KDM2A: variants seen among roughly 807,000 people sequenced by gnomAD.
The protein encoded by KDM2A is lysine-specific demethylase 2A.
Under a neutral mutation model 137.3 loss-of-function variants are expected in KDM2A, and 3 were observed. The observed-to-expected ratio is 0.02, with a 90% CI of 0.01 to 0.06. KDM2A has a LOEUF of 0.06. KDM2A is among the 10% of genes least tolerant of loss of function. The probability of loss-of-function intolerance (pLI) is 1.00; values close to 1 mark genes in which losing one functional copy is unlikely to be tolerated. For missense variants in KDM2A, 738 were observed against 1,510.6 expected (o/e 0.49, Z 8.48); for synonymous variants, 512 against 541.5 (o/e 0.95, Z 0.76).
chr11:67,199,960 C>A lies in KDM2A; in HGVS notation c.308-7550C>A, dbSNP rs539915738. Among the ~76,000 whole-genome samples the A allele has an allele frequency of 5.9e-5, 9 of 152,164 alleles. No individual in the cohort carries two copies. The South Asian group carries it at 1.4e-3, about 25-fold the overall frequency. On this transcript the variant is annotated intron_variant, in intron 5 of 20. Coordinates refer to ENST00000529006, the MANE Select transcript of KDM2A (RefSeq NM_012308.3). ...TTAATTGGAAACCAAATTTAACATTCCAAAAAAAGCTTATTTACCATTCCA... is the reference window on the plus strand; with the variant it reads ...TTAATTGGAAACCAAATTTAACATTACAAAAAAAGCTTATTTACCATTCCA...
intron 10 of KDM2A, among the ~76,000 whole-genome samples, chr11:67,226,234 G>T (rs1244712389): frequency 6.6e-6 from 1 of 151,894 alleles, no homozygotes; most frequent in African/African-American, 2.4e-5. Context: ...ACTAGCCTTG[G>T]TGACAGAGCG....
chr11:67,168,565 CAGTCTTGTATGAATTAT>C (rs1240754489), intron 2 of KDM2A, among the ~76,000 whole-genome samples: 20 of 33,732 alleles, frequency 5.9e-4, no homozygotes, highest in South Asian at 1.4e-3. Flanking sequence ...CACACACACA[CAGTCTTGTATGAATTAT>C]ACACACACAC....
chr11:67,215,739 G>C (rs1858140827), intron 7 of KDM2A, 117 bp from the exon 8 acceptor site: 1 of 783,944 alleles, frequency 1.3e-6, no homozygotes, highest in African/African-American at 1.7e-5. Context: ...TCTCCTTCTG[G>C]AACTTAAGAT....
chr11:67,186,330 G>A (rs1200567640), intron 5 of KDM2A, among the ~76,000 whole-genome samples: 3 of 152,186 alleles, frequency 2.0e-5, no homozygotes, highest in Admixed American at 2.0e-4. Context: ...TTGGAGGCCA[G>A]GAGGCAGTGA....
Position 67,209,432 on chromosome 11 carries a change from T to TTTA in KDM2A, c.486+1768_486+1770dup, listed in dbSNP as rs371101361. 7.7e-3 allele frequency among the ~76,000 whole-genome samples: 1,162 copies of TTTA among 150,014 alleles called. 4 individuals are homozygous for TTTA. Among genetic ancestry groups the TTTA allele is most frequent in the African/African-American group, 0.022 (903 of 41,136 alleles). ...TTTCTTAATATTTCTAGAATTTTATTTTATTATTATTATTATTATTATTAT... is the reference window on the plus strand; with the variant it reads ...TTTCTTAATATTTCTAGAATTTTATTTTATTATTATTATTATTATTATTATTAT... On this transcript the variant is annotated intron_variant, in intron 6 of 20. Transcript: ENST00000529006.
At position 67,254,378 on chromosome 11, in the gene KDM2A, G is replaced by A; in HGVS notation, c.3267G>A (p.Gly1089=). The A allele has an allele frequency of 6.2e-7, 1 of 1,614,030 alleles. No homozygotes were observed. The highest frequency in any genetic ancestry group is 8.5e-7 in the Non-Finnish European group (1 of 1,179,906). ...CCTCCAATCTACTCACTGCTGTCGG[G>A]TCTTCCACTCGCTACTCTCTCACAG... is the stretch of plus-strand genomic sequence containing the variant. ...DQSSNLLTAV[G]SSTRYSLTEL... The change falls in exon 20 of 21, where the codon GGG becomes GGA. Residue 1089 remains glycine (G), a synonymous_variant. Coordinates refer to ENST00000529006, the MANE Select transcript of KDM2A (RefSeq NM_012308.3). The surrounding 1 kb of genome is among the most constrained non-coding windows in gnomAD (Gnocchi z 4.7).
chr11:67,129,040 G>A (rs2136281666), intron 2 of KDM2A, among the ~76,000 whole-genome samples: 1 of 152,278 alleles, frequency 6.6e-6, no homozygotes, highest in East Asian at 1.9e-4. Context: ...CTATGACTGT[G>A]CCAGTGCACT....
At chr11:67,181,071 AAATTTCCTGT>A (rs1857082732) in intron 3 of KDM2A, among the ~76,000 whole-genome samples, 1 of 151,652 alleles carries the variant, frequency 6.6e-6, no homozygotes, top group Non-Finnish European at 1.5e-5. Flanking sequence ...TTTAAGCTCT[AAATTTCCTGT>A]GGAAATTTAG....
chr11:67,205,056 T>G (rs952950197), intron 5 of KDM2A, among the ~76,000 whole-genome samples: 3 of 152,202 alleles, frequency 2.0e-5, no homozygotes, highest in African/African-American at 7.2e-5. Context: ...CATTCTGTGT[T>G]TAGTTTATTG....
intron 5 of KDM2A, among the ~76,000 whole-genome samples, chr11:67,188,646 C>A (rs1159254390): frequency 6.6e-6 from 1 of 151,590 alleles, no homozygotes; most frequent in Non-Finnish European, 1.5e-5. Context: ...TAAAAATAAT[C>A]CAAGCATGGT....
At chr11:67,172,619 TGTG>T (rs2136327686) in intron 2 of KDM2A, among the ~76,000 whole-genome samples, 1 of 8,612 alleles carries the variant, frequency 1.2e-4, no homozygotes, top group South Asian at 0.071. Flanking sequence ...CTTATAGTTG[TGTG>T]TGTGTGTGTG....
chr11:67,138,817 A>G (rs560730513), intron 2 of KDM2A, among the ~76,000 whole-genome samples: 2 of 152,188 alleles, frequency 1.3e-5, no homozygotes, highest in African/African-American at 2.4e-5. Context: ...CTGTGTTTCA[A>G]CTAGTTCTCC....
At chr11:67,212,088 G>T (rs777759694) in intron 6 of KDM2A, among the ~76,000 whole-genome samples, 1 of 152,172 alleles carries the variant, frequency 6.6e-6, no homozygotes, top group Non-Finnish European at 1.5e-5. Flanking sequence ...TTGAGCCCAG[G>T]AGTTTGAGGC....
intron 5 of KDM2A, among the ~76,000 whole-genome samples, chr11:67,190,270 TGTG>T (rs1431596924): frequency 6.6e-6 from 1 of 151,618 alleles, no homozygotes; most frequent in Admixed American, 6.6e-5. Context: ...ATTAGCTGGA[TGTG>T]GTGGTACATG....
chr11:67,152,905 A>AGTGTGT (rs146532672), intron 2 of KDM2A, among the ~76,000 whole-genome samples: 14 of 142,644 alleles, frequency 9.8e-5, no homozygotes, highest in African/African-American at 3.4e-4. Context: ...ACAGTGCCAG[A>AGTGTGT]GTGTGTGTGT....
At chr11:67,196,738 G>A (rs1857492318) in intron 5 of KDM2A, 1 of 289,178 alleles carries the variant, frequency 3.5e-6, no homozygotes, top group Non-Finnish European at 6.8e-6. Context: ...GACTTAAAAC[G>A]GCCATAGTTT....
chr11:67,202,852 A>G (rs1857674700), intron 5 of KDM2A, among the ~76,000 whole-genome samples: 1 of 151,814 alleles, frequency 6.6e-6, no homozygotes, highest in South Asian at 2.1e-4. Flanking sequence ...AGGATTAGCC[A>G]GCCATTGTGG....
At chr11:67,223,575 T>A (rs1242493572) in intron 10 of KDM2A, among the ~76,000 whole-genome samples, 1 of 151,898 alleles carries the variant, frequency 6.6e-6, no homozygotes, top group Non-Finnish European at 1.5e-5. Context: ...GCTAGTTTTT[T>A]TATTTTTATT....
chr11:67,196,281 G>A (rs1332414070), intron 5 of KDM2A: 1 of 456,112 alleles, frequency 2.2e-6, no homozygotes, highest in East Asian at 6.9e-5. Flanking sequence ...CTTCATGTCA[G>A]CCAGATGGCA....
Sources: allele counts gnomAD v4.1 joint callset (sites outside exome capture counted in the v4.1 genomes callset), GRCh38; gene constraint gnomAD v4.1.1; non-coding constraint Gnocchi (gnomAD v3.1); transcripts MANE v1.5; gene names NCBI Gene and HGNC (gene_info 2026-07-23, HGNC 2026-07-21).